Variants in ARHGAP42 observed in about 807,000 individuals in gnomAD.
ARHGAP42 encodes rho GTPase-activating protein 42.
A neutral mutation model predicts 125.0 loss-of-function variants in ARHGAP42; 63 were observed. The ratio of observed to expected loss-of-function variants is 0.50; its 90% CI spans 0.41 to 0.62. The LOEUF is 0.62. Among genes scored for constraint, ARHGAP42 ranks in the 20% least tolerant of loss-of-function variants. The probability of loss-of-function intolerance (pLI) is 0.00; values close to 1 mark genes in which losing one functional copy is unlikely to be tolerated. For missense variants in ARHGAP42, 766 were observed against 1,024.2 expected, an observed-to-expected ratio of 0.75 and a Z score of 3.44; for synonymous variants, 339 against 351.0, an observed-to-expected ratio of 0.97 and a Z score of 0.38.
chr11:100,915,502 C>T (rs1252642884), intron 5 of ARHGAP42, among the ~76,000 whole-genome samples: 1 of 152,118 alleles, frequency 6.6e-6, no homozygotes, highest in Non-Finnish European at 1.5e-5. Context: ...CGGAAGTCAT[C>T]CTTTGAAAGG....
At chr11:100,840,151 T>C (rs1315895473) in intron 3 of ARHGAP42, among the ~76,000 whole-genome samples, 2 of 152,200 alleles carry the variant, frequency 1.3e-5, no homozygotes, top group African/African-American at 4.8e-5. Context: ...GTATCAAACA[T>C]GCCCTCCATA....
chr11:100,713,965 CTTCTG>C (rs1325045543), intron 1 of ARHGAP42, among the ~76,000 whole-genome samples: 2 of 152,162 alleles, frequency 1.3e-5, no homozygotes, highest in Non-Finnish European at 2.9e-5. Context: ...ACAATCATCT[CTTCTG>C]TTCTTTTGCT....
intron 2 of ARHGAP42, among the ~76,000 whole-genome samples, chr11:100,794,323 T>C (rs1863654785): frequency 6.6e-6 from 1 of 152,156 alleles, no homozygotes; most frequent in South Asian, 2.1e-4. Context: ...CCCACAATGT[T>C]TCTGAGTACT....
intron 1 of ARHGAP42, among the ~76,000 whole-genome samples, chr11:100,735,891 C>T (rs1862057761): frequency 6.6e-6 from 1 of 152,150 alleles, no homozygotes; most frequent in Non-Finnish European, 1.5e-5. Context: ...GTTGGGATTA[C>T]AGGCGTGAGC....
intron 7 of ARHGAP42, among the ~76,000 whole-genome samples, 198 bp downstream of exon 7, chr11:100,933,458 T>C (rs1867641575): frequency 6.6e-6 from 1 of 152,218 alleles, no homozygotes. Context: ...GTTTATTAAC[T>C]TTTGCCTTCA....
At chr11:100,824,408 G>T (rs1864467654) in intron 3 of ARHGAP42, among the ~76,000 whole-genome samples, 1 of 152,132 alleles carries the variant, frequency 6.6e-6, no homozygotes. Flanking sequence ...TGACAGGAAA[G>T]GTTAAGAGAG....
intron 1 of ARHGAP42, among the ~76,000 whole-genome samples, chr11:100,726,387 C>G (rs1694626252): frequency 6.6e-6 from 1 of 152,094 alleles, no homozygotes; most frequent in African/African-American, 2.4e-5. Flanking sequence ...ATTAACTCAG[C>G]GTCTGTCACA....
intron 1 of ARHGAP42, among the ~76,000 whole-genome samples, chr11:100,742,542 C>T (rs923070538): frequency 2.6e-5 from 4 of 152,098 alleles, no homozygotes; most frequent in Admixed American, 6.6e-5. Context: ...AATTATAAAG[C>T]GTTCTCAGTT....
chr11:100,857,064 C>A (rs1865337235), intron 3 of ARHGAP42, among the ~76,000 whole-genome samples: 1 of 151,862 alleles, frequency 6.6e-6, no homozygotes, highest in African/African-American at 2.4e-5. Context: ...ATTGTGAAGA[C>A]CTTAATGTAG....
At chr11:100,772,087 C>A (rs1377702723) in intron 2 of ARHGAP42, among the ~76,000 whole-genome samples, 1 of 152,066 alleles carries the variant, frequency 6.6e-6, no homozygotes, top group Non-Finnish European at 1.5e-5. Context: ...ATAGTTCTAC[C>A]AGTTATGTCT....
intron 3 of ARHGAP42, among the ~76,000 whole-genome samples, chr11:100,858,206 A>G (rs938599253): frequency 6.6e-6 from 1 of 151,864 alleles, no homozygotes; most frequent in African/African-American, 2.4e-5. Context: ...TATTTCCAAT[A>G]ATCTCTGCGC....
intron 1 of ARHGAP42, among the ~76,000 whole-genome samples, chr11:100,704,373 C>G (rs1310816972): frequency 6.6e-6 from 1 of 152,044 alleles, no homozygotes; most frequent in African/African-American, 2.4e-5. Flanking sequence ...AAGCACAGGC[C>G]GGAAAAGGCC....
At chr11:100,710,330 G>A (rs1378135800) in intron 1 of ARHGAP42, among the ~76,000 whole-genome samples, 21 of 151,050 alleles carry the variant, frequency 1.4e-4, no homozygotes, top group Non-Finnish European at 2.7e-4. Context: ...CGGTTGAAAC[G>A]ATTCTCCTGC....
chr11:100,775,941 C>T (rs1863109165), intron 2 of ARHGAP42, among the ~76,000 whole-genome samples: 1 of 152,052 alleles, frequency 6.6e-6, no homozygotes, highest in Admixed American at 6.6e-5. Flanking sequence ...GGGCGGATCA[C>T]CTGAGGTTGG....
intron 1 of ARHGAP42, among the ~76,000 whole-genome samples, chr11:100,701,879 C>T (rs1441864279): frequency 6.6e-6 from 1 of 151,956 alleles, no homozygotes; most frequent in Non-Finnish European, 1.5e-5. Context: ...TTTTAATTTC[C>T]TTCAAGAACT....
intron 3 of ARHGAP42, among the ~76,000 whole-genome samples, chr11:100,822,299 A>G (rs930513863): frequency 6.6e-6 from 1 of 152,032 alleles, no homozygotes; most frequent in African/African-American, 2.4e-5. Flanking sequence ...ATGGATGACT[A>G]TTTTTCAACG....
intron 1 of ARHGAP42, among the ~76,000 whole-genome samples, chr11:100,734,181 C>T (rs1189871215): frequency 2.0e-5 from 3 of 151,804 alleles, no homozygotes; most frequent in Non-Finnish European, 4.4e-5. Context: ...GATCCGCCCA[C>T]CTCGGCCTCC....
At chr11:100,882,707 A>C (rs1037889117) in intron 4 of ARHGAP42, among the ~76,000 whole-genome samples, 1 of 152,022 alleles carries the variant, frequency 6.6e-6, no homozygotes, top group African/African-American at 2.4e-5. Context: ...ATCGAATTCA[A>C]CTGTGAATCT....
chr11:100,986,204 G>A (rs1858674894), intron 22 of ARHGAP42: 1 of 418,070 alleles, frequency 2.4e-6, no homozygotes, highest in African/African-American at 2.1e-5. Flanking sequence ...CAGACTTGAA[G>A]CAGGAAGATA....
Sources: allele counts gnomAD v4.1 joint callset (sites outside exome capture counted in the v4.1 genomes callset), GRCh38; gene constraint gnomAD v4.1.1; transcripts MANE v1.5; gene names NCBI Gene and HGNC (gene_info 2026-07-23, HGNC 2026-07-21).